Variants in FAM107B observed in about 807,000 individuals in gnomAD.
The protein encoded by FAM107B is family with sequence similarity 107 member B, also known as protein FAM107B.
Under a neutral mutation model 31.5 loss-of-function variants are expected in FAM107B, and 21 were observed. The ratio of observed to expected loss-of-function variants is 0.67; its 90% confidence interval spans 0.47 to 0.96. FAM107B has a LOEUF of 0.96. Ranked by LOEUF, FAM107B falls within the 40% of genes least tolerant of loss-of-function variation. The pLI is 0.00. For missense variants in FAM107B, 452 were observed against 377.1 expected (o/e 1.20, Z -1.64); for synonymous variants, 157 against 141.5 (o/e 1.11, Z -0.78).
At chr10:14,720,498 C>T (rs938279169) in intron 1 of FAM107B, among the ~76,000 whole-genome samples, 3 of 152,214 alleles carry the variant, frequency 2.0e-5, no homozygotes, top group Non-Finnish European at 2.9e-5. Flanking sequence ...AGGTTATCCG[C>T]CTGCCTCAGC....
intron 2 of FAM107B, among the ~76,000 whole-genome samples, chr10:14,537,036 C>T (rs187061956): frequency 1.3e-5 from 2 of 152,132 alleles, no homozygotes; most frequent in East Asian, 3.9e-4. Context: ...AAGAAACATC[C>T]GACAGACATC....
intron 3 of FAM107B, among the ~76,000 whole-genome samples, chr10:14,526,002 T>C (rs1276972850): frequency 6.6e-6 from 1 of 152,166 alleles, no homozygotes; most frequent in Admixed American, 6.5e-5. Context: ...CTGAACTCTG[T>C]GTACCTATAT....
At chr10:14,724,920 A>G (rs1855995735) in intron 1 of FAM107B, among the ~76,000 whole-genome samples, 1 of 152,246 alleles carries the variant, frequency 6.6e-6, no homozygotes, top group Non-Finnish European at 1.5e-5. Flanking sequence ...TTGAGAATGA[A>G]GGCTCAAAAG....
At chr10:14,574,891 A>C (rs1851415600) in intron 2 of FAM107B, among the ~76,000 whole-genome samples, 1 of 152,166 alleles carries the variant, frequency 6.6e-6, no homozygotes, top group Non-Finnish European at 1.5e-5. Flanking sequence ...GGATGATTGA[A>C]TCCAGGCCTG....
At chr10:14,700,473 T>TCGAATTTAA (rs1472303031) in intron 1 of FAM107B, among the ~76,000 whole-genome samples, 7 of 151,972 alleles carry the variant, frequency 4.6e-5, no homozygotes, top group Non-Finnish European at 7.4e-5. Flanking sequence ...AGTGCTCGCA[T>TCGAATTTAA]CGAATTTAAC....
At chr10:14,707,595 C>T (rs1201430425) in intron 1 of FAM107B, among the ~76,000 whole-genome samples, 2 of 152,198 alleles carry the variant, frequency 1.3e-5, no homozygotes, top group African/African-American at 4.8e-5. Flanking sequence ...ACTCACAGGG[C>T]ATGCTGGTCT....
chr10:14,670,793 G>A (rs1442333553), intron 1 of FAM107B, among the ~76,000 whole-genome samples: 1 of 152,196 alleles, frequency 6.6e-6, no homozygotes, highest in Non-Finnish European at 1.5e-5. Context: ...AATGCTCTTG[G>A]TTGGAGAGCT....
chr10:14,535,405 A>G (rs7082124), intron 2 of FAM107B, among the ~76,000 whole-genome samples: 25,564 of 152,260 alleles, frequency 0.17, 2,250 homozygotes, highest in Non-Finnish European at 0.19. Flanking sequence ...CCAACTATGC[A>G]ACCAGCAACA....
chr10:14,614,844 A>G (rs540453340), intron 2 of FAM107B, among the ~76,000 whole-genome samples: 2 of 152,044 alleles, frequency 1.3e-5, no homozygotes, highest in African/African-American at 4.8e-5. Flanking sequence ...TACACGAGAC[A>G]GGGACTGTTT....
intron 1 of FAM107B, among the ~76,000 whole-genome samples, chr10:14,684,908 T>C (rs7081470): frequency 0.44 from 66,699 of 151,080 alleles, 15,514 homozygotes; most frequent in East Asian, 0.64. Context: ...GCAGCCTCAA[T>C]CTCCGGGGCT....
At chr10:14,555,496 G>A (rs1486888397) in intron 2 of FAM107B, among the ~76,000 whole-genome samples, 1 of 152,100 alleles carries the variant, frequency 6.6e-6, no homozygotes, top group African/African-American at 2.4e-5. Flanking sequence ...TTTTACTTCT[G>A]TCTTTAATCT....
Position 14,772,790 on chromosome 10 carries a change from T to C in FAM107B, c.411+1463A>G, listed in dbSNP as rs561240739. Among the ~76,000 whole-genome samples the C allele has an allele frequency of 9.2e-5, 14 of 152,278 alleles. No individual in the cohort carries two copies. The South Asian group carries it at 2.5e-3, about 27-fold the overall frequency. The stretch of plus-strand genomic sequence containing the variant: ...ATGGATGTGGCCCCATTTTGTGTTA[T>C]TGGTTCTATTTGAATTCACATGCTT... On this transcript the variant is annotated intron_variant, in intron 1 of 4. Coordinates refer to ENST00000181796, the MANE Select transcript of FAM107B (RefSeq NM_031453.4).
chr10:14,728,330 G>GGTGTGT (rs147215549), intron 1 of FAM107B, among the ~76,000 whole-genome samples: 1,476 of 147,184 alleles, frequency 0.01, 16 homozygotes, highest in South Asian at 0.054. Flanking sequence ...TGGTATAAGG[G>GGTGTGT]GTGTGTGTGT....
At chr10:14,659,787 A>G in intron 2 of FAM107B, among the ~76,000 whole-genome samples, 1 of 152,188 alleles carries the variant, frequency 6.6e-6, no homozygotes, top group East Asian at 1.9e-4. Flanking sequence ...CAGCAAGGAG[A>G]TCTGAACTCC....
intron 1 of FAM107B, among the ~76,000 whole-genome samples, chr10:14,773,619 A>G (rs1463767419): frequency 6.6e-6 from 1 of 151,472 alleles, no homozygotes; most frequent in East Asian, 1.9e-4. Flanking sequence ...TGGAAAGAAA[A>G]TAAGTAAATA....
At chr10:14,526,761 A>C (rs1846279027) in intron 3 of FAM107B, among the ~76,000 whole-genome samples, 1 of 152,252 alleles carries the variant, frequency 6.6e-6, no homozygotes, top group South Asian at 2.1e-4. Flanking sequence ...GATATGTTTA[A>C]GTAACTGACC....
intron 1 of FAM107B, among the ~76,000 whole-genome samples, chr10:14,762,058 C>T (rs1226130865): frequency 6.6e-6 from 1 of 152,120 alleles, no homozygotes; most frequent in African/African-American, 2.4e-5. Flanking sequence ...TATCTCTACC[C>T]TAAGGACGGG....
chr10:14,675,112 A>C (rs1854650819), intron 1 of FAM107B, among the ~76,000 whole-genome samples: 1 of 151,942 alleles, frequency 6.6e-6, no homozygotes, highest in African/African-American at 2.4e-5. Flanking sequence ...TTTTTTTCCT[A>C]CACATGTGTA....
intron 2 of FAM107B, among the ~76,000 whole-genome samples, chr10:14,622,308 A>AC: frequency 7.3e-6 from 1 of 136,538 alleles, no homozygotes. Flanking sequence ...AGTATGAGAG[A>AC]TTTTTTTTTT....
Sources: gnomAD v4.1 joint callset for allele counts (sites outside exome capture counted in the v4.1 genomes callset) on GRCh38, gnomAD v4.1.1 for gene constraint, MANE v1.5 for transcripts, NCBI Gene and HGNC (gene_info 2026-07-23, HGNC 2026-07-21) for gene names.